PLXND1: variants seen among roughly 807,000 people sequenced by gnomAD.
PLXND1 encodes the protein plexin-D1.
Under a neutral mutation model 197.7 loss-of-function variants are expected in PLXND1, and 54 were observed. That is an observed-to-expected ratio of 0.27 (90% CI 0.22 to 0.34). PLXND1 has a LOEUF of 0.34. Ranked by LOEUF, PLXND1 falls within the 10% of genes least tolerant of loss-of-function variation. PLXND1 has a pLI of 1.00. For synonymous variants in PLXND1, 1,180 were observed against 1,161.2 expected (o/e 1.02, Z -0.33); for missense variants, 2,127 against 2,699.2 (o/e 0.79, Z 4.70).
Position 129,586,099 on chromosome 3 carries a change from G to T in PLXND1, c.1722-18C>A. 1 of 1,613,694 alleles carries T rather than the reference G, an allele frequency of 6.2e-7. No individual in the cohort carries two copies. Among genetic ancestry groups the T allele is most frequent in the South Asian group, 1.1e-5 (1 of 91,070 alleles). ...AGGTGCACCTGGGGTGGCACCGCAG[G>T]GTCAGGACCCAGGTCAGCTCCTCCC... On this transcript the variant is annotated intron_variant, in intron 4 of 35. Coordinates refer to ENST00000324093, the MANE Select transcript of PLXND1 (RefSeq NM_015103.3).
At chr3:129,596,315 C>T (rs1032247454) in intron 1 of PLXND1, among the ~76,000 whole-genome samples, 5 of 152,186 alleles carry the variant, frequency 3.3e-5, no homozygotes, top group Non-Finnish European at 5.9e-5. Context: ...GCTCTGGCCT[C>T]GGCCTGCTCT....
chr3:129,556,300 T>C lies in PLXND1; in HGVS notation c.*12A>G. On this transcript the variant is annotated 3_prime_UTR_variant, in exon 36 of 36. Coordinates refer to ENST00000324093, the MANE Select transcript of PLXND1 (RefSeq NM_015103.3). ...TTCTCCCAGCAGCAGCCTGACCAAC[T>C]CTCCATGTGTCTCAGGCCTCACTGT... 6.4e-7 allele frequency: 1 copy of C among 1,553,002 alleles called. No individual in the cohort carries two copies. Among genetic ancestry groups the C allele is most frequent in the Non-Finnish European group, 8.9e-7 (1 of 1,124,392 alleles).
At position 129,565,868 on chromosome 3, in the gene PLXND1, C is replaced by G. The variant is rs372153376; in HGVS notation, c.4322+19G>C. The G allele has an allele frequency of 1.2e-5, 20 of 1,612,868 alleles. No homozygotes were observed. The African/African-American group carries it at 2.3e-4, about 18-fold the overall frequency. ...CAGGCTCCTCTTCCCTACCCCACCC[C>G]AGTCTGTCACAGCCTGACCTGTCGC... On this transcript the variant is annotated intron_variant, in intron 24 of 35. Coordinates refer to ENST00000324093, the MANE Select transcript of PLXND1 (RefSeq NM_015103.3).
rs780775472 is a variant in PLXND1 at position 129,573,639 on chromosome 3, C to G, written c.2792G>C (p.Gly931Ala). Residue 931 changes from glycine (G) to alanine (A), a missense_variant, in exon 13 of 36, where the codon GGT becomes GCT. Gly to Ala is a moderately conservative substitution (Grantham distance 60, BLOSUM62 0). This residue lies in a region of PLXND1 where 1,095 missense variants were observed against 1,259.8 expected (regional missense o/e 0.87). Transcript: ENST00000324093. ...GTCAGGCAGTGGCTCACAGGCCACA[C>G]CACCAATCCACACGCCGTGGGCCAC... ...SDVAHGVWIG[G>A]VACEPLPDRY... 6.2e-7 allele frequency: 1 copy of G among 1,613,620 alleles called. No homozygotes were observed. The highest frequency in any genetic ancestry group is 1.7e-5 in the Admixed American group (1 of 60,022).
intron 15 of PLXND1, 75 bp from the exon 16 acceptor site, chr3:129,571,919 G>T: frequency 7.0e-7 from 1 of 1,433,826 alleles, no homozygotes; most frequent in Non-Finnish European, 9.5e-7. Context: ...TGAGACCTGG[G>T]GCACAAGTCC....
Position 129,606,148 on chromosome 3 carries a change from C to T in PLXND1, c.492G>A (p.Pro164=), listed in dbSNP as rs1396198190. Residue 164 remains proline, a synonymous_variant, in exon 1 of 36, where the codon CCG becomes CCA. Transcript: ENST00000324093. ...GNISAVAVRF[P]PAAPPAEPVT... is the part of the protein sequence containing the mutation. ...CGGGCTCGGCGGGCGGCGCGGCGGG[C>T]GGGAAGCGCACGGCCACGGCCGAGA... 1.3e-6 allele frequency: 2 copies of T among 1,511,646 alleles called. No individual in the cohort carries two copies. The highest frequency in any genetic ancestry group is 2.5e-5 in the East Asian group (1 of 39,496). 93.6% of individuals were successfully genotyped at this position (1,511,646 alleles called of 1,614,324 possible).
At chr3:129,604,568 T>C (rs2108809529) in intron 1 of PLXND1, among the ~76,000 whole-genome samples, 2 of 152,322 alleles carry the variant, frequency 1.3e-5, no homozygotes, top group South Asian at 4.1e-4. Context: ...AGTGCTATTG[T>C]TTACCCCAGA....
intron 1 of PLXND1, among the ~76,000 whole-genome samples, chr3:129,593,690 G>A (rs912356970): frequency 6.6e-6 from 1 of 152,232 alleles, no homozygotes; most frequent in Non-Finnish European, 1.5e-5. Flanking sequence ...AGAGCAACAC[G>A]GCCATGCTGG....
chr3:129,576,878 T>C, intron 9 of PLXND1, among the ~76,000 whole-genome samples: 1 of 152,148 alleles, frequency 6.6e-6, no homozygotes, highest in East Asian at 1.9e-4. Flanking sequence ...TCATCTGGCC[T>C]TCTCAGGAGC....
At chr3:129,587,129 G>A (rs2085473415) in intron 2 of PLXND1, among the ~76,000 whole-genome samples, 1 of 152,196 alleles carries the variant, frequency 6.6e-6, no homozygotes, top group African/African-American at 2.4e-5. Flanking sequence ...GAGCTAATGG[G>A]GCAGGCGGGC....
Position 129,565,453 on chromosome 3 carries a change from G to A in PLXND1, c.4408C>T (p.Leu1470Phe), listed in dbSNP as rs1410420620. The change falls in exon 25 of 36, where the codon CTC (leucine) becomes TTC (phenylalanine). Residue 1470 changes from leucine (L) to phenylalanine (F), a missense_variant. Physicochemically the swap from Leu to Phe is conservative, Grantham distance 22 (BLOSUM62 0). Transcript: ENST00000324093. ...TSIMKELLVD[L>F]IDASAAKNPK... ...TTCTTGGCGGCCGAGGCGTCAATGA[G>A]GTCCACCAGCAGCTCCTTCATGATG... is the stretch of plus-strand genomic sequence containing the variant. 1.2e-6 allele frequency: 2 copies of A among 1,613,938 alleles called. No homozygotes were observed. Among genetic ancestry groups the A allele is most frequent in the South Asian group, 1.1e-5 (1 of 91,092 alleles).
chr3:129,560,277 G>A, intron 31 of PLXND1, 53 bp downstream of exon 31: 1 of 1,157,766 alleles, frequency 8.6e-7, no homozygotes, highest in South Asian at 1.2e-5. Context: ...CTCTGGAGCT[G>A]GGGCTGGAGC....
intron 29 of PLXND1, chr3:129,561,102 C>CG (rs1560059037): frequency 1.5e-5 from 7 of 471,724 alleles, no homozygotes; most frequent in South Asian, 1.1e-4. Context: ...GATGCAGCCA[C>CG]GGGGGAGGAG....
chr3:129,597,176 G>C (rs4579013), intron 1 of PLXND1, among the ~76,000 whole-genome samples: 110,576 of 152,160 alleles, frequency 0.73, 41,022 homozygotes, highest in Non-Finnish European at 0.78. Context: ...GGGGCACACA[G>C]CCGGAATGGC....
chr3:129,603,987 A>G (rs1475965484), intron 1 of PLXND1, among the ~76,000 whole-genome samples: 1 of 152,140 alleles, frequency 6.6e-6, no homozygotes, highest in East Asian at 1.9e-4. Flanking sequence ...CTCAGGGTGA[A>G]CTATGGGGAT....
chr3:129,571,625 G>C, intron 16 of PLXND1, 26 bp from the exon 17 acceptor site: 1 of 1,613,748 alleles, frequency 6.2e-7, no homozygotes, highest in Non-Finnish European at 8.5e-7. Flanking sequence ...AAACCTATCA[G>C]TGCACCTGCA....
chr3:129,557,059 TC>T lies in PLXND1; in HGVS notation c.5586+23del. The T allele has an allele frequency of 6.4e-7, 1 of 1,569,314 alleles. No individual in the cohort carries two copies. The highest frequency in any genetic ancestry group is 8.7e-7 in the Non-Finnish European group (1 of 1,148,524). On this transcript the variant is annotated intron_variant, in intron 34 of 35. Transcript: ENST00000324093. The surrounding 1 kb of genome is among the most constrained non-coding windows in gnomAD (Gnocchi z 4.8). The stretch of plus-strand genomic sequence containing the variant: ...GATCCCTCAGCTCTTCAGGCCCCCA[TC>T]CCCCGCCGCCGAGCCACCGCACCCT...
intron 1 of PLXND1, among the ~76,000 whole-genome samples, chr3:129,596,440 C>T (rs1473170688): frequency 5.9e-5 from 9 of 152,154 alleles, no homozygotes; most frequent in Non-Finnish European, 7.4e-5. Context: ...TTTCTCATTC[C>T]GGCCCGGCCT....
At chr3:129,578,104 C>T (rs762692379) in intron 9 of PLXND1, among the ~76,000 whole-genome samples, 5 of 152,224 alleles carry the variant, frequency 3.3e-5, no homozygotes, top group Non-Finnish European at 5.9e-5. Flanking sequence ...CCCCCTTGGC[C>T]TGGCCCTCAC....
Sources: allele counts gnomAD v4.1 joint callset (sites outside exome capture counted in the v4.1 genomes callset), GRCh38; gene constraint gnomAD v4.1.1; regional missense constraint gnomAD v4.1.1; non-coding constraint Gnocchi (gnomAD v3.1); transcripts MANE v1.5; gene names NCBI Gene and HGNC (gene_info 2026-07-23, HGNC 2026-07-21).